DAB1: variants seen among roughly 807,000 people sequenced by gnomAD.
DAB1 encodes the protein DAB adaptor protein 1.
A neutral mutation model predicts 64.6 loss-of-function variants in DAB1; 15 were observed. The ratio of observed to expected loss-of-function variants is 0.23; its 90% CI spans 0.16 to 0.36. DAB1 has a LOEUF of 0.36. Ranked by LOEUF, DAB1 falls within the 10% of genes least tolerant of loss-of-function variation. The pLI is 1.00. For missense variants in DAB1, 596 were observed against 706.7 expected (o/e 0.84, Z 1.78); for synonymous variants, 235 against 251.9 (o/e 0.93, Z 0.64).
chr1:57,441,692 AC>A (rs1426542266), intron 7 of DAB1, among the ~76,000 whole-genome samples: 2 of 152,112 alleles, frequency 1.3e-5, no homozygotes, highest in Admixed American at 1.3e-4. Flanking sequence ...ATTGATGGGC[AC>A]CTAGTTTGAT....
chr1:58,287,447 T>C (rs1403126585), intron 4 of DAB1, among the ~76,000 whole-genome samples: 3 of 152,182 alleles, frequency 2.0e-5, no homozygotes, highest in Admixed American at 6.5e-5. Context: ...AGTCAGTGGC[T>C]GGAGCCAGAG....
intron 1 of DAB1, among the ~76,000 whole-genome samples, chr1:57,296,929 C>T (rs908613549): frequency 1.3e-5 from 2 of 152,178 alleles, no homozygotes; most frequent in Admixed American, 1.3e-4. Context: ...TGTCTTCGCA[C>T]TTATTGTTTA....
At chr1:58,067,539 T>C (rs796896584) in intron 5 of DAB1, among the ~76,000 whole-genome samples, 4 of 152,340 alleles carry the variant, frequency 2.6e-5, no homozygotes, top group African/African-American at 9.6e-5. Context: ...AATGAATCTA[T>C]CTATAATATT....
chr1:58,262,382 C>T (rs1377412348), intron 4 of DAB1, among the ~76,000 whole-genome samples: 2 of 152,114 alleles, frequency 1.3e-5, no homozygotes, highest in Non-Finnish European at 2.9e-5. Flanking sequence ...GTCAAGAGAT[C>T]GAGACCATCC....
chr1:57,834,144 A>G (rs528098769), intron 1 of DAB1, among the ~76,000 whole-genome samples: 4 of 152,348 alleles, frequency 2.6e-5, no homozygotes, highest in Admixed American at 1.3e-4. Context: ...TATAATAGTA[A>G]GCACTGTAAT....
intron 2 of DAB1, among the ~76,000 whole-genome samples, chr1:57,189,038 A>G (rs148779068): frequency 5.8e-4 from 89 of 152,240 alleles, no homozygotes; most frequent in Non-Finnish European, 1.0e-3. Context: ...AGAAATTCCA[A>G]TTCAGGCCTG....
chr1:57,980,872 ACT>A lies in DAB1; in HGVS notation n.388-96712_388-96711del, dbSNP rs137956928. 1.2e-3 allele frequency among the ~76,000 whole-genome samples: 183 copies of A among 148,578 alleles called. 1 individual carries two copies. Among genetic ancestry groups the A allele is most frequent in the African/African-American group, 3.3e-3 (132 of 40,596 alleles). ...TGTTTTAATAAACTAGTAAAAAGTAACTCTCTCTCTCTCTCTACATGTATATA... is the reference window on the plus strand; with the variant it reads ...TGTTTTAATAAACTAGTAAAAAGTAACTCTCTCTCTCTCTACATGTATATA... On this transcript the variant is annotated intron_variant and non_coding_transcript_variant, in intron 5 of 20. Coordinates refer to the DAB1 transcript ENST00000485760.
intron 6 of DAB1, among the ~76,000 whole-genome samples, chr1:57,780,023 C>T (rs896564840): frequency 5.9e-5 from 9 of 152,104 alleles, no homozygotes; most frequent in African/African-American, 2.2e-4. Context: ...AAGAAAAAGT[C>T]GTACTTAATT....
intron 3 of DAB1, among the ~76,000 whole-genome samples, chr1:58,503,776 T>A (rs762584254): frequency 6.6e-6 from 1 of 152,198 alleles, no homozygotes; most frequent in Non-Finnish European, 1.5e-5. Flanking sequence ...CCTTCCAAAC[T>A]GTGAGAAGTA....
intron 6 of DAB1, among the ~76,000 whole-genome samples, chr1:57,748,755 G>A (rs993511137): frequency 1.5e-5 from 2 of 135,930 alleles, no homozygotes; most frequent in African/African-American, 2.8e-5. Flanking sequence ...TAGACTAGGT[G>A]GCTTCTTCTG....
chr1:57,124,477 T>G (rs982280866), intron 4 of DAB1, among the ~76,000 whole-genome samples: 1 of 152,152 alleles, frequency 6.6e-6, no homozygotes, highest in Admixed American at 6.5e-5. Context: ...ATAACTGTCT[T>G]GAGTTTAGAC....
intron 4 of DAB1, among the ~76,000 whole-genome samples, chr1:58,188,592 A>C (rs1657218355): frequency 6.6e-6 from 1 of 152,244 alleles, no homozygotes; most frequent in Non-Finnish European, 1.5e-5. Context: ...GATTTGATGC[A>C]TTACAGGTGA....
At chr1:58,118,497 T>TACAC (rs1251931656) in intron 5 of DAB1, among the ~76,000 whole-genome samples, 13 of 83,988 alleles carry the variant, frequency 1.5e-4, no homozygotes, top group Admixed American at 1.1e-3. Context: ...TATATATATA[T>TACAC]ATATATACAC....
At chr1:58,185,368 T>A (rs1657018642) in intron 4 of DAB1, among the ~76,000 whole-genome samples, 1 of 152,052 alleles carries the variant, frequency 6.6e-6, no homozygotes, top group Non-Finnish European at 1.5e-5. Flanking sequence ...TCCTGACATA[T>A]CTCTAGGGCC....
At position 58,300,639 on chromosome 1, in the gene DAB1, AGAGAGAGAGGAAGGAAGG is replaced by A. The variant is rs1328851115; in HGVS notation, n.309+42695_309+42712del. 1.5e-3 allele frequency among the ~76,000 whole-genome samples: 88 copies of A among 59,710 alleles called. 3 individuals are homozygous for A. The highest frequency in any genetic ancestry group is 0.014 in the East Asian group (23 of 1,650). 39.2% of individuals were successfully genotyped at this position (59,710 alleles called of 152,430 possible). A position where few individuals can be genotyped will look rare whatever the true frequency, so the allele number is the denominator to read the frequency against. Reference sequence around the variant, plus strand: ...GAGAGAGAGAGAGAGAGAGAGAGAGAGAGAGAGAGGAAGGAAGGAAGGAAGGAAGGAAGGAAGGAAGGA... The same window carrying A: ...GAGAGAGAGAGAGAGAGAGAGAGAGAAAGGAAGGAAGGAAGGAAGGAAGGA... On this transcript the variant is annotated intron_variant and non_coding_transcript_variant, in intron 4 of 20. Coordinates refer to the DAB1 transcript ENST00000485760.
intron 4 of DAB1, among the ~76,000 whole-genome samples, chr1:58,256,121 G>C (rs1474982286): frequency 6.6e-6 from 1 of 151,396 alleles, no homozygotes; most frequent in African/African-American, 2.5e-5. Context: ...AGGGGACTAA[G>C]AGCCATGTGC....
rs527502568 is a variant in DAB1, at chr1:57,703,291, C to T, written n.552-53626G>A. Among the ~76,000 whole-genome samples, 111 of 151,922 alleles carry T rather than the reference C, an allele frequency of 7.3e-4. No homozygotes were observed. The South Asian group carries it at 0.022, about 30-fold the overall frequency. On this transcript the variant is annotated intron_variant and non_coding_transcript_variant, in intron 6 of 20. Transcript: ENST00000485760. Reference sequence around the variant, plus strand: ...AGAAAATTTTTGCAAACTATGCGTTCGACAAAGGTCTAATGTCCAGCATTT... The same window carrying T: ...AGAAAATTTTTGCAAACTATGCGTTTGACAAAGGTCTAATGTCCAGCATTT...
intron 14 of DAB1, among the ~76,000 whole-genome samples, chr1:57,003,568 C>G (rs115878142): frequency 6.6e-6 from 1 of 152,006 alleles, no homozygotes; most frequent in East Asian, 1.9e-4. Context: ...ATTTTAACCA[C>G]GTTTAAGTGT....
intron 6 of DAB1, among the ~76,000 whole-genome samples, chr1:57,744,354 A>T (rs1226157681): frequency 6.6e-6 from 1 of 152,076 alleles, no homozygotes; most frequent in Non-Finnish European, 1.5e-5. Context: ...CTCCTCTGAA[A>T]GATGCAGATT....
Sources: allele counts gnomAD v4.1 joint callset (sites outside exome capture counted in the v4.1 genomes callset), GRCh38; gene constraint gnomAD v4.1.1; transcripts MANE v1.5; gene names NCBI Gene and HGNC (gene_info 2026-07-23, HGNC 2026-07-21).